NNT: variants seen among roughly 807,000 people sequenced by gnomAD.
NNT encodes the protein nicotinamide nucleotide transhydrogenase.
In NNT, 50 loss-of-function variants were observed where a neutral mutation model predicts 104.8. The ratio of observed to expected loss-of-function variants is 0.48; its 90% CI spans 0.38 to 0.60. NNT has a LOEUF of 0.60. Ranked by LOEUF, NNT falls within the 20% of genes least tolerant of loss-of-function variation. The pLI, the probability that NNT is intolerant of heterozygous loss-of-function variation, is 0.00. For missense variants in NNT, 1,131 were observed against 1,330.7 expected (o/e 0.85, Z 2.33); for synonymous variants, 461 against 490.4 (o/e 0.94, Z 0.79).
intron 8 of NNT, 24 bp from the exon 9 acceptor site, chr5:43,644,587 T>G: frequency 6.3e-7 from 1 of 1,584,334 alleles, no homozygotes; most frequent in African/African-American, 1.4e-5. Flanking sequence ...ATAGACCTTT[T>G]TGACTATAAT....
chr5:43,679,486 A>T (rs1741591456), intron 19 of NNT, among the ~76,000 whole-genome samples: 1 of 152,214 alleles, frequency 6.6e-6, no homozygotes. Context: ...AAATAGGTGG[A>T]TGTGGAGTGA....
At chr5:43,678,384 C>T (rs1276682581) in intron 19 of NNT, among the ~76,000 whole-genome samples, 1 of 152,172 alleles carries the variant, frequency 6.6e-6, no homozygotes, top group African/African-American at 2.4e-5. Context: ...AATGAACAAG[C>T]CATATTCTGG....
At chr5:43,656,285 AAAAAT>A (rs1740040945) in intron 15 of NNT, among the ~76,000 whole-genome samples, 1 of 152,194 alleles carries the variant, frequency 6.6e-6, no homozygotes, top group Non-Finnish European at 1.5e-5. Context: ...ACTTTTTATA[AAAAAT>A]AAAATATTAC....
At chr5:43,693,843 A>AT (rs900108942) in intron 19 of NNT, among the ~76,000 whole-genome samples, 2 of 152,208 alleles carry the variant, frequency 1.3e-5, no homozygotes, top group African/African-American at 2.4e-5. Context: ...AATGGCTTTA[A>AT]TTTTATTCTC....
At position 43,697,896 on chromosome 5, in the gene NNT, C is replaced by A. The variant is rs1310263393; in HGVS notation, c.2877-2223C>A. ...GCTGCCCCCATGATTCAGTAATCTTCCACCAGGTCCCTTCCACAACATGTG... is the reference window on the plus strand; with the variant it reads ...GCTGCCCCCATGATTCAGTAATCTTACACCAGGTCCCTTCCACAACATGTG... On this transcript the variant is annotated intron_variant, in intron 19 of 21. Transcript: ENST00000344920. Among the ~76,000 whole-genome samples, 5 of 152,254 alleles carry A rather than the reference C, an allele frequency of 3.3e-5. 1 individual carries two copies. The highest frequency in any genetic ancestry group is 4.8e-5 in the African/African-American group (2 of 41,520).
chr5:43,618,978 T>A, intron 4 of NNT, 54 bp from the exon 5 acceptor site: 1 of 1,083,602 alleles, frequency 9.2e-7, no homozygotes. Context: ...TATGTGAGTC[T>A]GAGATCTCTC....
chr5:43,618,515 C>T lies in NNT; in HGVS notation c.600-517C>T, dbSNP rs189840084. On this transcript the variant is annotated intron_variant, in intron 4 of 21. Transcript: ENST00000344920. The stretch of plus-strand genomic sequence containing the variant: ...TTTTTTTATTTTAAGGATTTTCCCC[C>T]CATTACCTAAGCACTACCCAGTCAT... Among the ~76,000 whole-genome samples the T allele has an allele frequency of 1.6e-4, 24 of 152,226 alleles. No individual in the cohort carries two copies. In the East Asian group the frequency reaches 4.6e-3, roughly 29 times the overall value.
chr5:43,619,913 A>G (rs1426821549), intron 5 of NNT, among the ~76,000 whole-genome samples: 4 of 152,146 alleles, frequency 2.6e-5, no homozygotes, highest in African/African-American at 9.7e-5. Context: ...GTGTGCAAAA[A>G]AGATCACATG....
intron 1 of NNT, among the ~76,000 whole-genome samples, chr5:43,605,376 C>T (rs1430810062): frequency 1.3e-5 from 2 of 150,522 alleles, no homozygotes; most frequent in African/African-American, 2.4e-5. Flanking sequence ...ATTAGCCGGG[C>T]GCGGTGGCGG....
intron 4 of NNT, among the ~76,000 whole-genome samples, chr5:43,617,423 G>C (rs112020202): frequency 7.9e-4 from 121 of 152,214 alleles, no homozygotes; most frequent in African/African-American, 2.7e-3. Context: ...TAAACCTTCA[G>C]GGACCCAGGG....
chr5:43,654,931 C>A (rs1285794936), intron 14 of NNT, among the ~76,000 whole-genome samples: 1 of 152,118 alleles, frequency 6.6e-6, no homozygotes, highest in East Asian at 1.9e-4. Flanking sequence ...GCAGGAAAAC[C>A]TTTAGACATG....
intron 7 of NNT, among the ~76,000 whole-genome samples, chr5:43,638,525 T>G (rs1041622735): frequency 1.3e-5 from 2 of 152,182 alleles, no homozygotes; most frequent in African/African-American, 4.8e-5. Context: ...CTACATTACA[T>G]TAAAAACTGT....
chr5:43,694,428 G>A (rs1742447289), intron 19 of NNT, among the ~76,000 whole-genome samples: 1 of 152,154 alleles, frequency 6.6e-6, no homozygotes, highest in Non-Finnish European at 1.5e-5. Flanking sequence ...GTCATAGATG[G>A]CTCTTACTAT....
intron 4 of NNT, among the ~76,000 whole-genome samples, chr5:43,617,405 C>G (rs1341172516): frequency 6.6e-6 from 1 of 152,156 alleles, no homozygotes; most frequent in Admixed American, 6.5e-5. Flanking sequence ...CCAGATTTGT[C>G]TGAAGTTTAA....
In NNT at chr5:43,659,212, C is replaced by T. The variant is rs201912785; in HGVS notation, c.2496C>T (p.Pro832=). Residue 832 remains proline (P), a synonymous_variant, in exon 17 of 22, where the codon CCC becomes CCT. Coordinates refer to ENST00000344920, the MANE Select transcript of NNT (RefSeq NM_182977.3). Reference sequence around the variant, plus strand: ...CTGCTATTGGGGGTGCTGACATGCCCGTCGTTATCACTGTGCTGAACAGCT... The same window carrying T: ...CTGCTATTGGGGGTGCTGACATGCCTGTCGTTATCACTGTGCTGAACAGCT... ...LTAAIGGADM[P]VVITVLNSYS... The T allele has an allele frequency of 1.1e-5, 18 of 1,613,098 alleles. 1 individual carries two copies. Among genetic ancestry groups the T allele is most frequent in the South Asian group, 3.3e-5 (3 of 90,930 alleles).
chr5:43,662,338 C>T (rs758955442), intron 17 of NNT, among the ~76,000 whole-genome samples: 4 of 152,034 alleles, frequency 2.6e-5, no homozygotes, highest in African/African-American at 9.7e-5. Context: ...CTCTCTTCTA[C>T]GTGTTCTGCA....
At chr5:43,687,648 T>G (rs1490090382) in intron 19 of NNT, among the ~76,000 whole-genome samples, 1 of 152,198 alleles carries the variant, frequency 6.6e-6, no homozygotes, top group Admixed American at 6.5e-5. Flanking sequence ...TTTCTCTGAC[T>G]TTAGAGTCAT....
Position 43,704,271 on chromosome 5 carries a change from G to T in NNT, c.3128G>T (p.Arg1043Met). The change falls in exon 22 of 22, where the codon AGG becomes ATG. Residue 1043 changes from arginine (R) to methionine (M), a missense_variant. Physicochemically the swap from Arg to Met is moderately conservative, Grantham distance 91. Transcript: ENST00000344920. The part of the protein sequence containing the change: ...WKSKQVIVMK[R>M]SLGVGYAAVD... ...GGTTCTCAGGTGATTGTTATGAAGA[G>T]GTCTTTGGGTGTTGGCTATGCTGCA... The T allele has an allele frequency of 6.3e-7, 1 of 1,587,682 alleles. No individual in the cohort carries two copies. The highest frequency in any genetic ancestry group is 8.5e-7 in the Non-Finnish European group (1 of 1,169,686).
chr5:43,653,264 A>G, intron 14 of NNT, 51 bp downstream of exon 14: 7 of 1,502,182 alleles, frequency 4.7e-6, no homozygotes, highest in Non-Finnish European at 6.3e-6. Flanking sequence ...TTCTCAATAT[A>G]TATTTCTAAG....
Sources: allele counts gnomAD v4.1 joint callset (sites outside exome capture counted in the v4.1 genomes callset), GRCh38; gene constraint gnomAD v4.1.1; transcripts MANE v1.5; gene names NCBI Gene and HGNC (gene_info 2026-07-23, HGNC 2026-07-21).